The following ALKBH8 variants were observed in gnomAD, a reference collection of about 807,000 sequenced individuals.
The protein encoded by ALKBH8 is alkB homolog 8, tRNA methyltransferase.
In ALKBH8, 36 loss-of-function variants were observed where a neutral mutation model predicts 59.8. That is an observed-to-expected ratio of 0.60 (90% confidence interval 0.46 to 0.79). The LOEUF is 0.79. ALKBH8 is among the 30% of genes least tolerant of loss of function. The pLI, the probability that ALKBH8 is intolerant of heterozygous loss-of-function variation, is 0.00. For missense variants in ALKBH8, 768 were observed against 801.0 expected (o/e 0.96, Z 0.50); for synonymous variants, 276 against 273.6 (o/e 1.01, Z -0.09).
intron 7 of ALKBH8, among the ~76,000 whole-genome samples, chr11:107,548,188 G>A (rs1288467305): frequency 6.6e-6 from 1 of 152,214 alleles, no homozygotes; most frequent in Non-Finnish European, 1.5e-5. Flanking sequence ...GTTTGTAGGA[G>A]CTAACACATG....
At chr11:107,565,327 C>G (rs1865087722) in intron 1 of ALKBH8, 1 of 552,034 alleles carries the variant, frequency 1.8e-6, no homozygotes, top group Non-Finnish European at 3.2e-6. Flanking sequence ...ATGTTGCAAC[C>G]GTCCTCTCCA....
intron 8 of ALKBH8, among the ~76,000 whole-genome samples, chr11:107,530,605 AC>A (rs2135521323): frequency 1.1e-4 from 1 of 9,338 alleles, no homozygotes; most frequent in Admixed American, 7.8e-4. Context: ...TTCCTAACAC[AC>A]ACACACACAC....
intron 7 of ALKBH8, among the ~76,000 whole-genome samples, chr11:107,535,222 C>A (rs1407404355): frequency 1.3e-5 from 2 of 152,108 alleles, no homozygotes; most frequent in African/African-American, 2.4e-5. Context: ...AGCGTGTGTG[C>A]AATTATCTTT....
intron 9 of ALKBH8, among the ~76,000 whole-genome samples, chr11:107,524,217 C>T (rs1362630349): frequency 1.3e-5 from 2 of 152,030 alleles, no homozygotes; most frequent in Non-Finnish European, 2.9e-5. Flanking sequence ...CACCACCATG[C>T]CTGTCTAAAT....
intron 11 of ALKBH8, among the ~76,000 whole-genome samples, chr11:107,507,022 T>G (rs755385739): frequency 1.1e-4 from 16 of 152,088 alleles, no homozygotes; most frequent in Non-Finnish European, 1.8e-4. Context: ...CAATTTAAGG[T>G]AGACTATAAT....
intron 11 of ALKBH8, among the ~76,000 whole-genome samples, chr11:107,506,060 A>G (rs1010725803): frequency 6.6e-6 from 1 of 152,230 alleles, no homozygotes; most frequent in African/African-American, 2.4e-5. Flanking sequence ...TTAAAATGCT[A>G]AACAAAAATT....
chr11:107,561,266 T>TG (rs1864927305), intron 1 of ALKBH8, among the ~76,000 whole-genome samples: 1 of 151,370 alleles, frequency 6.6e-6, no homozygotes, highest in Non-Finnish European at 1.5e-5. Flanking sequence ...AGGGGAGCGG[T>TG]GGGGGGAGAA....
chr11:107,528,775 C>A (rs1157463936), intron 8 of ALKBH8, among the ~76,000 whole-genome samples: 1 of 152,058 alleles, frequency 6.6e-6, no homozygotes, highest in Non-Finnish European at 1.5e-5. Context: ...CTTTTTCCCC[C>A]TGCACTCAAA....
At chr11:107,517,084 T>C (rs1330186486) in intron 10 of ALKBH8, among the ~76,000 whole-genome samples, 1 of 152,104 alleles carries the variant, frequency 6.6e-6, no homozygotes, top group African/African-American at 2.4e-5. Flanking sequence ...CAAAGAACTG[T>C]ATGGCAACAA....
At position 107,551,667 on chromosome 11, in the gene ALKBH8, A is replaced by G. The variant is rs189694957; in HGVS notation, c.700+141T>C. 1.6e-3 allele frequency: 432 copies of G among 278,532 alleles called. 1 individual carries two copies. Among genetic ancestry groups the G allele is most frequent in the African/African-American group, 8.9e-3 (387 of 43,470 alleles). 17.3% of individuals were successfully genotyped at this position (278,532 alleles called of 1,614,324 possible). A position where few individuals can be genotyped will look rare whatever the true frequency, so the allele number is the denominator to read the frequency against. ...CGAGACCACGCCGTTGCACTCCAGC[A>G]TGGGCAACAAGAGCGAAACTCCATC... On this transcript the variant is annotated intron_variant, in intron 6 of 11. Coordinates refer to ENST00000428149, the MANE Select transcript of ALKBH8 (RefSeq NM_138775.3).
intron 7 of ALKBH8, among the ~76,000 whole-genome samples, chr11:107,535,811 C>T (rs1432871376): frequency 6.6e-6 from 1 of 152,046 alleles, no homozygotes; most frequent in African/African-American, 2.4e-5. Context: ...TCAGAGTACA[C>T]AGTAAGCACT....
At position 107,551,963 on chromosome 11, in the gene ALKBH8, T is replaced by C. The variant is rs765381788; in HGVS notation, c.596-51A>G. On this transcript the variant is annotated intron_variant, in intron 5 of 11. Coordinates refer to ENST00000428149, the MANE Select transcript of ALKBH8 (RefSeq NM_138775.3). The stretch of plus-strand genomic sequence containing the variant: ...AACATTAAAATATTTACTTTGCTTG[T>C]TTTACTCAACAATTTTAAAAGTCAC... 13 of 1,096,610 alleles carry C rather than the reference T, an allele frequency of 1.2e-5. No homozygotes were observed. The East Asian group carries it at 3.9e-4, about 33-fold the overall frequency. 67.9% of individuals were successfully genotyped at this position (1,096,610 alleles called of 1,614,324 possible).
intron 10 of ALKBH8, among the ~76,000 whole-genome samples, chr11:107,517,484 T>C (rs1291752615): frequency 9.2e-5 from 14 of 152,184 alleles, no homozygotes. Flanking sequence ...ACTGCAACAT[T>C]ATATACAATA....
At chr11:107,511,981 C>T (rs1862646565) in intron 10 of ALKBH8, among the ~76,000 whole-genome samples, 1 of 152,006 alleles carries the variant, frequency 6.6e-6, no homozygotes, top group Non-Finnish European at 1.5e-5. Flanking sequence ...TTAATTAAGT[C>T]TTTTCATATA....
chr11:107,515,311 T>C (rs1346146513), intron 10 of ALKBH8, among the ~76,000 whole-genome samples: 6 of 152,190 alleles, frequency 3.9e-5, no homozygotes, highest in Non-Finnish European at 7.4e-5. Flanking sequence ...TATTTCTGTG[T>C]GCTGGGTGAA....
intron 7 of ALKBH8, among the ~76,000 whole-genome samples, chr11:107,536,100 C>A (rs1210144973): frequency 6.6e-6 from 1 of 152,190 alleles, no homozygotes; most frequent in Non-Finnish European, 1.5e-5. Flanking sequence ...CTGTTCAAAC[C>A]ATGTCCACAT....
chr11:107,547,226 A>G (rs668739), intron 7 of ALKBH8, among the ~76,000 whole-genome samples: 76,496 of 152,128 alleles, frequency 0.5, 19,934 homozygotes, highest in Non-Finnish European at 0.56. Context: ...GTAAAGAAAT[A>G]GGGCCAAAGG....
intron 7 of ALKBH8, among the ~76,000 whole-genome samples, chr11:107,539,092 A>G (rs1277515606): frequency 3.9e-5 from 6 of 152,252 alleles, no homozygotes; most frequent in Non-Finnish European, 1.5e-5. Flanking sequence ...TATTTTAAAC[A>G]GCAAAGAGGA....
At position 107,553,886 on chromosome 11, in the gene ALKBH8, C is replaced by A; in HGVS notation, c.460G>T (p.Glu154Ter). Residue 154 changes from glutamate (E) to a stop codon, truncating the protein, a stop_gained, in exon 4 of 12, where the codon GAA becomes TAA. Transcript: ENST00000428149. LOFTEE classifies it high-confidence loss of function. ...GTATCTTCTGTCCAATCAACACTTT[C>A]CAAAAGCATTTTCTCCTCCTCAGAA... Reference protein sequence around the residue: ...ISSEEEKMLLESVDWTEDTDN... With the variant: ...ISSEEEKMLL 1 of 1,613,750 alleles carries A rather than the reference C, an allele frequency of 6.2e-7. No individual in the cohort carries two copies. The highest frequency in any genetic ancestry group is 1.3e-5 in the African/African-American group (1 of 75,030).
Sources: gnomAD v4.1 joint callset for allele counts (sites outside exome capture counted in the v4.1 genomes callset) on GRCh38, gnomAD v4.1.1 for gene constraint, MANE v1.5 for transcripts, NCBI Gene and HGNC (gene_info 2026-07-23, HGNC 2026-07-21) for gene names.